NT5DC1: variants seen among roughly 807,000 people sequenced by gnomAD.
NT5DC1 encodes 5'-nucleotidase domain containing 1, also known as 5'-nucleotidase domain-containing protein 1.
NT5DC1 carries 42 observed loss-of-function variants against 59.4 expected under a neutral mutation model. The ratio of observed to expected loss-of-function variants is 0.71; its 90% CI spans 0.55 to 0.92. The LOEUF (loss-of-function observed/expected upper bound fraction) is 0.92. Among genes scored for constraint, NT5DC1 ranks in the 40% least tolerant of loss-of-function variants. The pLI is 0.00. For missense variants in NT5DC1, 501 were observed against 537.1 expected, an observed-to-expected ratio of 0.93 and a Z score of 0.66; for synonymous variants, 172 against 188.1, an observed-to-expected ratio of 0.91 and a Z score of 0.70.
chr6:116,111,304 T>C (rs1015223434), intron 4 of NT5DC1, among the ~76,000 whole-genome samples: 1 of 152,222 alleles, frequency 6.6e-6, no homozygotes, highest in Admixed American at 6.5e-5. Context: ...CTCTGATTCC[T>C]CCAGGCATTC....
chr6:116,221,280 A>T (rs772814427), intron 7 of NT5DC1, 52 bp downstream of exon 7: 22 of 1,034,190 alleles, frequency 2.1e-5, no homozygotes, highest in Non-Finnish European at 3.1e-5. Flanking sequence ...CAGATAGCAA[A>T]TTAGACCAGG....
chr6:116,228,102 T>C (rs1226584498), intron 8 of NT5DC1, among the ~76,000 whole-genome samples: 1 of 152,234 alleles, frequency 6.6e-6, no homozygotes, highest in African/African-American at 2.4e-5. Context: ...AAAATCTGGA[T>C]TGATGAAGCA....
At chr6:116,234,558 C>T (rs1782080552) in intron 8 of NT5DC1, among the ~76,000 whole-genome samples, 1 of 151,886 alleles carries the variant, frequency 6.6e-6, no homozygotes, top group Admixed American at 6.6e-5. Flanking sequence ...CCAGGCTGGT[C>T]TTGAACTCCT....
chr6:116,226,770 A>G (rs1781919286), intron 8 of NT5DC1, among the ~76,000 whole-genome samples: 1 of 152,122 alleles, frequency 6.6e-6, no homozygotes, highest in African/African-American at 2.4e-5. Context: ...ACCATTTTAA[A>G]AAATTGTTTT....
chr6:116,207,035 A>G (rs535046302), intron 6 of NT5DC1, among the ~76,000 whole-genome samples: 1 of 152,104 alleles, frequency 6.6e-6, no homozygotes, highest in South Asian at 2.1e-4. Context: ...CACTTATGTC[A>G]TATGCTTTCT....
intron 6 of NT5DC1, among the ~76,000 whole-genome samples, chr6:116,132,109 C>A (rs2114333841): frequency 6.6e-6 from 1 of 152,166 alleles, no homozygotes; most frequent in South Asian, 2.1e-4. Context: ...ATGTCTTTAA[C>A]ACAAATACTT....
chr6:116,106,185 A>T, intron 1 of NT5DC1, 59 bp from the exon 2 acceptor site: 3 of 854,940 alleles, frequency 3.5e-6, no homozygotes. Flanking sequence ...TAGGTCTGTG[A>T]CATTAAGAAT....
At chr6:116,191,418 CGGG>C (rs1781114913) in intron 6 of NT5DC1, among the ~76,000 whole-genome samples, 1 of 151,896 alleles carries the variant, frequency 6.6e-6, no homozygotes, top group African/African-American at 2.4e-5. Flanking sequence ...AGGAGATTCA[CGGG>C]AAAGAAGAGG....
At chr6:116,202,107 A>G (rs1468728599) in intron 6 of NT5DC1, among the ~76,000 whole-genome samples, 1 of 151,894 alleles carries the variant, frequency 6.6e-6, no homozygotes, top group Non-Finnish European at 1.5e-5. Flanking sequence ...ACTGACTTAA[A>G]TTTTACTTAA....
chr6:116,184,797 G>C (rs966526930), intron 6 of NT5DC1, among the ~76,000 whole-genome samples: 1 of 151,886 alleles, frequency 6.6e-6, no homozygotes, highest in African/African-American at 2.4e-5. Flanking sequence ...CTCACTAATG[G>C]TCTATCAATC....
chr6:116,115,584 C>T, intron 4 of NT5DC1, 107 bp from the exon 5 acceptor site: 1 of 509,664 alleles, frequency 2.0e-6, no homozygotes, highest in Non-Finnish European at 3.6e-6. Context: ...ATGGAGGCTT[C>T]TTCAGATAAT....
Position 116,249,460 on chromosome 6 carries a change from A to C in NT5DC1, c.*5436A>C, listed in dbSNP as rs1771907905. The C allele has an allele frequency of 6.6e-6, 1 of 152,244 alleles. No individual in the cohort carries two copies. Among genetic ancestry groups the C allele is most frequent in the Admixed American group, 6.5e-5 (1 of 15,292 alleles). The allele number at this position is 152,244 out of a possible 1,614,324, so 9.4% of individuals were successfully genotyped here. ...TTCATGTAATTGCTGCTATACAGCA[A>C]AACTATCATTACCGGTAATTAAAGT... On this transcript the variant is annotated 3_prime_UTR_variant, in exon 12 of 12. Transcript: ENST00000319550.
chr6:116,227,372 G>C (rs892041848), intron 8 of NT5DC1, among the ~76,000 whole-genome samples: 2 of 152,020 alleles, frequency 1.3e-5, no homozygotes, highest in African/African-American at 4.8e-5. Flanking sequence ...CCTTTAATCT[G>C]CTAATGGACA....
intron 6 of NT5DC1, among the ~76,000 whole-genome samples, chr6:116,199,872 A>G (rs1284831045): frequency 3.3e-5 from 5 of 152,040 alleles, no homozygotes; most frequent in African/African-American, 1.2e-4. Flanking sequence ...AGACTAATCT[A>G]CCACACAAAA....
intron 6 of NT5DC1, among the ~76,000 whole-genome samples, chr6:116,127,525 G>A: frequency 6.6e-6 from 1 of 152,208 alleles, no homozygotes; most frequent in African/African-American, 2.4e-5. Flanking sequence ...ATATGGAATA[G>A]CTTTTGTAAT....
chr6:116,113,810 G>C (rs1237206455), intron 4 of NT5DC1, among the ~76,000 whole-genome samples: 8 of 152,176 alleles, frequency 5.3e-5, no homozygotes, highest in Non-Finnish European at 8.8e-5. Flanking sequence ...AGAATGGGAG[G>C]AGAAAAGCAA....
intron 6 of NT5DC1, chr6:116,145,620 T>C (rs889469498): frequency 2.3e-5 from 4 of 170,632 alleles, no homozygotes; most frequent in African/African-American, 9.5e-5. Context: ...TTACTAATGT[T>C]ACATAATCTA....
intron 6 of NT5DC1, among the ~76,000 whole-genome samples, chr6:116,202,251 C>T (rs544154605): frequency 3.7e-4 from 57 of 152,058 alleles, no homozygotes; most frequent in Non-Finnish European, 6.6e-4. Context: ...CTATTCTTTT[C>T]GAGAAAACAT....
chr6:116,141,578 A>G (rs1779764463), intron 6 of NT5DC1, among the ~76,000 whole-genome samples: 1 of 151,966 alleles, frequency 6.6e-6, no homozygotes, highest in East Asian at 1.9e-4. Flanking sequence ...ATTTTTTTTG[A>G]TGACCTTCCT....
Sources: gnomAD v4.1 joint callset for allele counts (sites outside exome capture counted in the v4.1 genomes callset) on GRCh38, gnomAD v4.1.1 for gene constraint, MANE v1.5 for transcripts, NCBI Gene and HGNC (gene_info 2026-07-23, HGNC 2026-07-21) for gene names.